The following DTL variants were observed in gnomAD, a reference collection of about 807,000 sequenced individuals.
DTL encodes denticleless E3 ubiquitin protein ligase adapter, also known as denticleless protein homolog.
In DTL, 46 loss-of-function variants were observed where a neutral mutation model predicts 87.0. The ratio of observed to expected loss-of-function variants is 0.53; its 90% CI spans 0.42 to 0.68. The LOEUF (loss-of-function observed/expected upper bound fraction) is 0.68, where lower values mean the gene tolerates loss of function less well. DTL is among the 30% of genes least tolerant of loss of function. The pLI is 0.00. For missense variants in DTL, 737 were observed against 869.4 expected, an observed-to-expected ratio of 0.85 and a Z score of 1.91; for synonymous variants, 308 against 311.2, an observed-to-expected ratio of 0.99 and a Z score of 0.11.
intron 11 of DTL, among the ~76,000 whole-genome samples, chr1:212,073,114 C>T (rs548322171): frequency 1.3e-5 from 2 of 152,242 alleles, no homozygotes; most frequent in African/African-American, 4.8e-5. Context: ...AAAGTGTCTA[C>T]TGTAAGCTAA....
At chr1:212,066,968 G>C in intron 8 of DTL, 83 bp downstream of exon 8, 1 of 1,157,478 alleles carries the variant, frequency 8.6e-7, no homozygotes, top group Non-Finnish European at 1.3e-6. Flanking sequence ...CATTATAATT[G>C]AATGTGTGTG....
At chr1:212,060,145 C>A (rs1571954009) in intron 5 of DTL, among the ~76,000 whole-genome samples, 1 of 152,140 alleles carries the variant, frequency 6.6e-6, no homozygotes, top group African/African-American at 2.4e-5. Context: ...ATACCAACAT[C>A]ATTTTTCACA....
intron 13 of DTL, among the ~76,000 whole-genome samples, chr1:212,082,768 G>C (rs1280994185): frequency 6.6e-6 from 1 of 152,118 alleles, no homozygotes; most frequent in Non-Finnish European, 1.5e-5. Flanking sequence ...AGAGATTTTA[G>C]AAGAGATAAG....
chr1:212,069,434 C>T (rs1654605448), intron 10 of DTL, among the ~76,000 whole-genome samples: 1 of 152,014 alleles, frequency 6.6e-6, no homozygotes, highest in African/African-American at 2.4e-5. Context: ...AATTCCATAA[C>T]CAATCCTCAG....
chr1:212,079,824 C>T (rs1472195553), intron 12 of DTL, among the ~76,000 whole-genome samples: 1 of 152,124 alleles, frequency 6.6e-6, no homozygotes. Flanking sequence ...AAAAAGCTGC[C>T]AGTCTCTTGG....
At chr1:212,057,283 C>T (rs957720850) in intron 5 of DTL, among the ~76,000 whole-genome samples, 1 of 151,582 alleles carries the variant, frequency 6.6e-6, no homozygotes, top group Non-Finnish European at 1.5e-5. Context: ...GAAACCCCAT[C>T]AGACCTAACA....
At chr1:212,040,589 C>T (rs1667610554) in intron 1 of DTL, among the ~76,000 whole-genome samples, 1 of 152,164 alleles carries the variant, frequency 6.6e-6, no homozygotes, top group Non-Finnish European at 1.5e-5. Context: ...TGATATAATA[C>T]CTACAACATG....
In DTL at chr1:212,102,710, G is replaced by A. The variant is rs994988105; in HGVS notation, c.2095-132G>A. 4 of 610,656 alleles carry A rather than the reference G, an allele frequency of 6.6e-6. No individual in the cohort carries two copies. The East Asian group carries it at 8.4e-5, about 13-fold the overall frequency. 37.8% of individuals were successfully genotyped at this position (610,656 alleles called of 1,614,324 possible). On this transcript the variant is annotated intron_variant, in intron 14 of 14. Transcript: ENST00000366991. ...ATCAGCCAAAAGAGACATTGCCATT[G>A]AAAGTATTTGGAGCTGAAAGCAGGC...
chr1:212,074,880 A>G (rs1438671895), intron 11 of DTL, among the ~76,000 whole-genome samples: 1 of 152,220 alleles, frequency 6.6e-6, no homozygotes, highest in Admixed American at 6.5e-5. Context: ...TGCCCAGCAA[A>G]GAGGAAATAT....
intron 3 of DTL, among the ~76,000 whole-genome samples, chr1:212,046,684 C>G (rs762076487): frequency 6.6e-6 from 1 of 152,220 alleles, no homozygotes; most frequent in African/African-American, 2.4e-5. Context: ...TTTATCCAAT[C>G]TATCATTGAT....
At position 212,078,022 on chromosome 1, in the gene DTL, GT is replaced by G. The variant is rs1342998354; in HGVS notation, c.1036-149del. 16 of 390,964 alleles carry G rather than the reference GT, an allele frequency of 4.1e-5. No homozygotes were observed. The African/African-American group carries it at 7.3e-4, about 18-fold the overall frequency. The allele number at this position is 390,964 out of a possible 1,614,324, so 24.2% of individuals were successfully genotyped here. A position where few individuals can be genotyped will look rare whatever the true frequency, so the allele number is the denominator to read the frequency against. On this transcript the variant is annotated intron_variant, in intron 11 of 14. Transcript: ENST00000366991. ...ATATTTCATTGCCCATTGGAAATCT[GT>G]TGTTTTTTTTTTCCTAACTATAGCT... is the stretch of plus-strand genomic sequence containing the variant.
At chr1:212,067,263 A>G (rs1033378013) in intron 8 of DTL, among the ~76,000 whole-genome samples, 1 of 152,188 alleles carries the variant, frequency 6.6e-6, no homozygotes, top group African/African-American at 2.4e-5. Flanking sequence ...TTTCAGGTTT[A>G]AGAATATCCT....
chr1:212,087,047 C>CT (rs1368912222), intron 13 of DTL, among the ~76,000 whole-genome samples: 1 of 152,220 alleles, frequency 6.6e-6, no homozygotes, highest in African/African-American at 2.4e-5. Context: ...CGTTTAGCCA[C>CT]TATTGACTCC....
intron 13 of DTL, among the ~76,000 whole-genome samples, chr1:212,093,668 C>T (rs1655355496): frequency 6.6e-6 from 1 of 152,242 alleles, no homozygotes; most frequent in African/African-American, 2.4e-5. Context: ...TGCTTCTCAA[C>T]GTCTGCTTGA....
intron 13 of DTL, among the ~76,000 whole-genome samples, chr1:212,096,206 G>C (rs750160969): frequency 6.6e-6 from 1 of 152,084 alleles, no homozygotes; most frequent in Non-Finnish European, 1.5e-5. Flanking sequence ...TGTGGTATTC[G>C]TTGTTAATAT....
intron 3 of DTL, among the ~76,000 whole-genome samples, chr1:212,045,088 C>G (rs536254582): frequency 1.3e-5 from 2 of 152,166 alleles, no homozygotes; most frequent in African/African-American, 4.8e-5. Context: ...AGAGTGAGAA[C>G]TCACTCATCT....
intron 5 of DTL, among the ~76,000 whole-genome samples, chr1:212,056,104 C>T (rs1328304897): frequency 6.6e-6 from 1 of 152,218 alleles, no homozygotes; most frequent in African/African-American, 2.4e-5. Flanking sequence ...CCACTCCACA[C>T]CTCCTGCCCA....
At chr1:212,096,525 T>C (rs1655456740) in intron 13 of DTL, among the ~76,000 whole-genome samples, 1 of 152,232 alleles carries the variant, frequency 6.6e-6, no homozygotes, top group African/African-American at 2.4e-5. Flanking sequence ...TGAACTTTCC[T>C]CTTAGCACTG....
intron 8 of DTL, 99 bp downstream of exon 8, chr1:212,066,984 A>G: frequency 1.0e-6 from 1 of 1,003,994 alleles, no homozygotes; most frequent in Non-Finnish European, 1.5e-6. Context: ...GTGTGCTTTC[A>G]ACTGTCAACA....
Sources: gnomAD v4.1 joint callset for allele counts (sites outside exome capture counted in the v4.1 genomes callset) on GRCh38, gnomAD v4.1.1 for gene constraint, MANE v1.5 for transcripts, NCBI Gene and HGNC (gene_info 2026-07-23, HGNC 2026-07-21) for gene names.